ST6GALNAC1: variants seen among roughly 807,000 people sequenced by gnomAD.
The protein encoded by ST6GALNAC1 is alpha-N-acetylgalactosaminide alpha-2,6-sialyltransferase 1.
In ST6GALNAC1, 45 loss-of-function variants were observed where a neutral mutation model predicts 56.8. The observed-to-expected ratio is 0.79, with a 90% CI of 0.62 to 1.02. The LOEUF is 1.02. Ranked by LOEUF, ST6GALNAC1 falls within the 50% of genes least tolerant of loss-of-function variation. ST6GALNAC1 has a pLI of 0.00. For synonymous variants in ST6GALNAC1, 295 were observed against 297.8 expected (o/e 0.99, Z 0.10); for missense variants, 743 against 754.8 (o/e 0.98, Z 0.18).
chr17:76,619,226 C>A, the ST6GALNAC1 span, among the ~76,000 whole-genome samples: 1 of 152,200 alleles, frequency 6.6e-6, no homozygotes, highest in African/African-American at 2.4e-5. Context: ...TCAGCCATTT[C>A]TCTCTAAGAA....
intron 1 of ST6GALNAC1, among the ~76,000 whole-genome samples, chr17:76,637,924 G>A (rs1227551875): frequency 6.6e-6 from 1 of 152,090 alleles, no homozygotes; most frequent in East Asian, 1.9e-4. Context: ...CCAGTGCCCA[G>A]GTTCAAGCGA....
intron 5 of ST6GALNAC1, 49 bp downstream of exon 5, chr17:76,626,602 T>C: frequency 6.2e-7 from 1 of 1,612,166 alleles, no homozygotes; most frequent in Non-Finnish European, 8.5e-7. Context: ...CCTCCTGTGC[T>C]CCCTCATCCA....
chr17:76,637,593 C>A (rs920673774), intron 1 of ST6GALNAC1: 2 of 398,276 alleles, frequency 5.0e-6, no homozygotes, highest in African/African-American at 2.1e-5. Context: ...CAAAAAAAGT[C>A]TCTCACACAT....
chr17:76,625,873 G>A lies in ST6GALNAC1; in HGVS notation c.1551C>T (p.Tyr517=), dbSNP rs981337695. Residue 517 remains tyrosine (Y), a synonymous_variant, in exon 8 of 9, where the codon TAC becomes TAT. Coordinates refer to ENST00000156626, the MANE Select transcript of ST6GALNAC1 (RefSeq NM_018414.5). The stretch of plus-strand genomic sequence containing the variant: ...GCAGGAGGGCCCCAGTGGTGGGGCG[G>A]TATATCCTCCAGTGGGCACCATCCA... The part of the protein sequence containing the change: ...KTLDGAHWRI[Y]RPTTGALLLL... 20 of 1,555,598 alleles carry A rather than the reference G, an allele frequency of 1.3e-5. No homozygotes were observed. Among genetic ancestry groups the A allele is most frequent in the Admixed American group, 2.0e-5 (1 of 51,222 alleles).
intron 1 of ST6GALNAC1, among the ~76,000 whole-genome samples, chr17:76,639,783 G>T (rs1489464234): frequency 6.6e-6 from 1 of 151,768 alleles, no homozygotes; most frequent in Non-Finnish European, 1.5e-5. Flanking sequence ...GGTAGGGAGT[G>T]GGGGTGGGAG....
chr17:76,624,703 G>A (rs1598285972), downstream of ST6GALNAC1: 1 of 152,668 alleles, frequency 6.6e-6, no homozygotes. Context: ...GAGAATAGAA[G>A]AATGAAAGGG....
Position 76,629,294 on chromosome 17 carries a change from C to T in ST6GALNAC1, c.549G>A (p.Lys183=), listed in dbSNP as rs2075857958. The T allele has an allele frequency of 5.0e-6, 8 of 1,614,162 alleles. No homozygotes were observed. In the African/African-American group the frequency reaches 9.3e-5, roughly 19 times the overall value. The change falls in exon 2 of 9, where the codon AAG becomes AAA. Residue 183 remains lysine, a synonymous_variant. Transcript: ENST00000156626. The part of the protein sequence containing the change: ...KLTASRTVSE[K]HQGKAATTAK... The stretch of plus-strand genomic sequence containing the variant: ...CTGTGGTTGCCGCTTTGCCCTGGTG[C>T]TTCTCTGACACCGTCCTGGAGGCCG...
intron 1 of ST6GALNAC1, 29 bp from the exon 2 acceptor site, chr17:76,629,740 G>C: frequency 6.5e-7 from 1 of 1,550,130 alleles, no homozygotes; most frequent in Non-Finnish European, 8.8e-7. Context: ...TTTGATGAAG[G>C]CTGAAGATTG....
chr17:76,626,065 G>A lies in ST6GALNAC1; in HGVS notation c.1446C>T (p.Ala482=), dbSNP rs1279365652. The A allele has an allele frequency of 6.2e-7, 1 of 1,614,116 alleles. No homozygotes were observed. Among genetic ancestry groups the A allele is most frequent in the Non-Finnish European group, 8.5e-7 (1 of 1,180,012 alleles). Residue 482 remains alanine (A), a synonymous_variant, in exon 7 of 9, where the codon GCC becomes GCT. Transcript: ENST00000156626. ...RHRPQEAFRE[A]LHMDRYLLLH... is the part of the protein sequence containing the mutation. ...GCAACAGGTACCTGTCCATGTGCAG[G>A]GCTTCCCGAAAAGCTTCCTGGGGTC...
chr17:76,626,348 C>T lies in ST6GALNAC1; in HGVS notation c.1356G>A (p.Glu452=). The T allele has an allele frequency of 6.2e-7, 1 of 1,614,204 alleles. No individual in the cohort carries two copies. The highest frequency in any genetic ancestry group is 8.5e-7 in the Non-Finnish European group (1 of 1,180,042). The change falls in exon 6 of 9, where the codon GAG becomes GAA. Residue 452 remains glutamate (E), a synonymous_variant. Coordinates refer to ENST00000156626, the MANE Select transcript of ST6GALNAC1 (RefSeq NM_018414.5). The stretch of plus-strand genomic sequence containing the variant: ...GATTCATAAGCAGTGCTTCCAGCCA[C>T]TCATAGTCCCGGGTGCCTTCCAGGA... ...LHFLEGTRDY[E]WLEALLMNQT...
intron 1 of ST6GALNAC1, among the ~76,000 whole-genome samples, chr17:76,639,059 G>C (rs569021684): frequency 2.8e-4 from 42 of 152,098 alleles, no homozygotes; most frequent in Non-Finnish European, 4.9e-4. Flanking sequence ...CTAAAACCAC[G>C]TTCCCCCGAT....
At chr17:76,631,423 C>A (rs867275045) in intron 1 of ST6GALNAC1, among the ~76,000 whole-genome samples, 17 of 152,114 alleles carry the variant, frequency 1.1e-4, no homozygotes, top group Middle Eastern at 3.4e-3. Flanking sequence ...AACCCTAATT[C>A]TTTCTGTATT....
At position 76,629,763 on chromosome 17, in the gene ST6GALNAC1, A is replaced by T. The variant is rs900475479; in HGVS notation, c.132-52T>A. On this transcript the variant is annotated intron_variant, in intron 1 of 8. Transcript: ENST00000156626. Reference sequence around the variant, plus strand: ...AGGCTGAAGATTGTGGAAACAGGTCAGAAGCATAAGTAGTTTTTTGTTTTT... The same window carrying T: ...AGGCTGAAGATTGTGGAAACAGGTCTGAAGCATAAGTAGTTTTTTGTTTTT... The T allele has an allele frequency of 3.7e-5, 51 of 1,367,348 alleles. No individual in the cohort carries two copies. The East Asian group carries it at 1.2e-3, about 32-fold the overall frequency. The allele number at this position is 1,367,348 out of a possible 1,614,324, so 84.7% of individuals were successfully genotyped here.
At chr17:76,636,175 T>C (rs929052737) in intron 1 of ST6GALNAC1, among the ~76,000 whole-genome samples, 1 of 152,242 alleles carries the variant, frequency 6.6e-6, no homozygotes, top group African/African-American at 2.4e-5. Flanking sequence ...GCATCCCTTT[T>C]CTACGCCTGT....
chr17:76,621,589 C>T (rs1386907575), downstream of ST6GALNAC1, among the ~76,000 whole-genome samples: 1 of 152,140 alleles, frequency 6.6e-6, no homozygotes, highest in Non-Finnish European at 1.5e-5. Flanking sequence ...AATGCTCCTG[C>T]CTCAGCCTCC....
chr17:76,621,772 G>T (rs2075743573), downstream of ST6GALNAC1, among the ~76,000 whole-genome samples: 1 of 152,040 alleles, frequency 6.6e-6, no homozygotes, highest in African/African-American at 2.4e-5. Context: ...ATCACACCTG[G>T]CCCAATCCAG....
chr17:76,629,512 C>G lies in ST6GALNAC1; in HGVS notation c.331G>C (p.Glu111Gln), dbSNP rs1012276489. 6.2e-7 allele frequency: 1 copy of G among 1,614,018 alleles called. No individual in the cohort carries two copies. Among genetic ancestry groups the G allele is most frequent in the Middle Eastern group, 1.6e-4 (1 of 6,062 alleles). The stretch of plus-strand genomic sequence containing the variant: ...GCTGTGTGGGGCACCTTGTCCTGCT[C>G]CTCCGGCGGTGCCTGGTTGGCCTCC... ...GKEANQAPPE[E>Q]QDKVPHTAQR... The change falls in exon 2 of 9, where the codon GAG becomes CAG. Residue 111 changes from glutamate (E) to glutamine (Q), a missense_variant. Coordinates refer to ENST00000156626, the MANE Select transcript of ST6GALNAC1 (RefSeq NM_018414.5).
intron 1 of ST6GALNAC1, among the ~76,000 whole-genome samples, chr17:76,641,409 A>G (rs1340747626): frequency 6.6e-6 from 1 of 152,210 alleles, no homozygotes; most frequent in Non-Finnish European, 1.5e-5. Flanking sequence ...TCCCTAATAT[A>G]CAAAAAGCTC....
At position 76,625,258 on chromosome 17, in the gene ST6GALNAC1, A is replaced by C; in HGVS notation, c.*72T>G. 1 of 1,523,230 alleles carries C rather than the reference A, an allele frequency of 6.6e-7. No individual in the cohort carries two copies. The highest frequency in any genetic ancestry group is 8.9e-7 in the Non-Finnish European group (1 of 1,120,058). The allele number at this position is 1,523,230 out of a possible 1,614,324, so 94.4% of individuals were successfully genotyped here. On this transcript the variant is annotated 3_prime_UTR_variant, in exon 9 of 9. Transcript: ENST00000156626. ...TAGTCTGAGCCATGGGAAATGGCCA[A>C]AGAGTCTCAAGATTCCCACTGTATC... is the stretch of plus-strand genomic sequence containing the variant.
Sources: allele counts gnomAD v4.1 joint callset (sites outside exome capture counted in the v4.1 genomes callset), GRCh38; gene constraint gnomAD v4.1.1; transcripts MANE v1.5; gene names NCBI Gene and HGNC (gene_info 2026-07-23, HGNC 2026-07-21).